The following SLC36A1 variants were observed in gnomAD, a reference collection of about 807,000 sequenced individuals.
The protein encoded by SLC36A1 is proton-coupled amino acid transporter 1.
Under a neutral mutation model 47.5 loss-of-function variants are expected in SLC36A1, and 30 were observed. That is an observed-to-expected ratio of 0.63 (90% CI 0.47 to 0.86). The LOEUF (loss-of-function observed/expected upper bound fraction) is 0.86, where lower values mean the gene tolerates loss of function less well. Among genes scored for constraint, SLC36A1 ranks in the 40% least tolerant of loss-of-function variants. The pLI is 0.00. For missense variants in SLC36A1, 517 were observed against 606.0 expected (o/e 0.85, Z 1.54); for synonymous variants, 255 against 249.7 (o/e 1.02, Z -0.20).
At chr5:151,549,358 G>C in the SLC36A1 span, 1 of 1,614,012 alleles carries the variant, frequency 6.2e-7, no homozygotes, top group South Asian at 1.1e-5. Flanking sequence ...GCTCGGACCT[G>C]CAGCAGCTCT....
chr5:151,413,500 T>C, the SLC36A1 span, among the ~76,000 whole-genome samples: 1 of 152,198 alleles, frequency 6.6e-6, no homozygotes, highest in Non-Finnish European at 1.5e-5. Flanking sequence ...AAAATTATTA[T>C]ATATGCATGT....
At chr5:151,500,529 A>G in the SLC36A1 span, among the ~76,000 whole-genome samples, 1 of 152,084 alleles carries the variant, frequency 6.6e-6, no homozygotes, top group East Asian at 1.9e-4. Flanking sequence ...CACCATGCCC[A>G]GCTAGTTTTT....
upstream of SLC36A1, among the ~76,000 whole-genome samples, chr5:151,432,895 A>G (rs377070257): frequency 6.6e-6 from 1 of 152,042 alleles, no homozygotes; most frequent in South Asian, 2.1e-4. Context: ...TTCCCCAGTC[A>G]CTTCTACATA....
intron 1 of SLC36A1, among the ~76,000 whole-genome samples, chr5:151,454,083 A>ATTTTT (rs35097474): frequency 9.3e-4 from 82 of 88,062 alleles, no homozygotes; most frequent in African/African-American, 3.5e-3. Flanking sequence ...GTACACTTAA[A>ATTTTT]TTTTTTTTTT....
At chr5:151,506,747 C>T in the SLC36A1 span, among the ~76,000 whole-genome samples, 1 of 152,252 alleles carries the variant, frequency 6.6e-6, no homozygotes, top group Non-Finnish European at 1.5e-5. Context: ...GATATTCCCC[C>T]TCTAGGTCAG....
chr5:151,436,715 TGATA>T (rs1270407458), upstream of SLC36A1, among the ~76,000 whole-genome samples: 1 of 146,600 alleles, frequency 6.8e-6, no homozygotes, highest in African/African-American at 2.7e-5. Context: ...TCATATATAA[TGATA>T]CATTATATAT....
the SLC36A1 span, among the ~76,000 whole-genome samples, chr5:151,535,597 C>G: frequency 6.6e-6 from 1 of 152,144 alleles, no homozygotes; most frequent in Non-Finnish European, 1.5e-5. Flanking sequence ...TATAATAAAC[C>G]AGTAAACACA....
At chr5:151,416,555 A>G in the SLC36A1 span, among the ~76,000 whole-genome samples, 1 of 152,232 alleles carries the variant, frequency 6.6e-6, no homozygotes, top group Admixed American at 6.5e-5. Flanking sequence ...TATCAAAGAA[A>G]TAACCTCATT....
At chr5:151,371,347 T>TGG in the SLC36A1 span, among the ~76,000 whole-genome samples, 1 of 152,162 alleles carries the variant, frequency 6.6e-6, no homozygotes, top group African/African-American at 2.4e-5. Context: ...CACAAGCAAA[T>TGG]GGAAAACAAA....
chr5:151,467,960 C>T, intron 7 of SLC36A1, 35 bp downstream of exon 7: 2 of 1,567,558 alleles, frequency 1.3e-6, no homozygotes, highest in Non-Finnish European at 1.7e-6. Context: ...CATCTTGGTT[C>T]AATATTTTAA....
chr5:151,525,896 G>T, the SLC36A1 span: 1 of 1,614,184 alleles, frequency 6.2e-7, no homozygotes, highest in South Asian at 1.1e-5. Context: ...GAGTAGGGGG[G>T]GCCATTCTCT....
chr5:151,355,872 G>T, the SLC36A1 span, among the ~76,000 whole-genome samples: 1 of 152,184 alleles, frequency 6.6e-6, no homozygotes, highest in Non-Finnish European at 1.5e-5. Context: ...ACACATGGTT[G>T]TATATGCTTG....
chr5:151,352,715 A>G, the SLC36A1 span, among the ~76,000 whole-genome samples: 2 of 152,122 alleles, frequency 1.3e-5, no homozygotes, highest in Admixed American at 1.3e-4. Context: ...TCCTTCCCTG[A>G]TATTCCCATA....
the SLC36A1 span, chr5:151,554,779 G>T: frequency 2.2e-6 from 2 of 891,864 alleles, no homozygotes; most frequent in East Asian, 2.5e-5. Context: ...GTATGAGCTT[G>T]TACTTTTTAT....
At chr5:151,507,400 C>T in the SLC36A1 span, 10 of 1,614,214 alleles carry the variant, frequency 6.2e-6, no homozygotes, top group Non-Finnish European at 8.5e-6. Context: ...TCAACACCAA[C>T]ACTCCTGGCC....
chr5:151,550,032 G>A, the SLC36A1 span, among the ~76,000 whole-genome samples: 1 of 152,180 alleles, frequency 6.6e-6, no homozygotes, highest in East Asian at 1.9e-4. Flanking sequence ...TGACAGTGAG[G>A]AAGTCTGTCT....
chr5:151,415,045 C>G, the SLC36A1 span, among the ~76,000 whole-genome samples: 2 of 152,108 alleles, frequency 1.3e-5, no homozygotes, highest in Admixed American at 1.3e-4. Context: ...GCCTTGATCT[C>G]CCTTCCTATC....
the SLC36A1 span, among the ~76,000 whole-genome samples, chr5:151,537,266 G>A: frequency 2.7e-5 from 4 of 149,824 alleles, no homozygotes; most frequent in Non-Finnish European, 5.9e-5. Flanking sequence ...ATAAGAAGAC[G>A]ATGGTGGTGG....
chr5:151,353,271 C>T, the SLC36A1 span, among the ~76,000 whole-genome samples: 2 of 152,144 alleles, frequency 1.3e-5, no homozygotes, highest in African/African-American at 4.8e-5. Context: ...AATTGTGAAA[C>T]TGAGGCCCAG....
Sources: gnomAD v4.1 joint callset for allele counts (sites outside exome capture counted in the v4.1 genomes callset) on GRCh38, gnomAD v4.1.1 for gene constraint, MANE v1.5 for transcripts, NCBI Gene and HGNC (gene_info 2026-07-23, HGNC 2026-07-21) for gene names.